The following NPAS3 variants were observed in gnomAD, a reference collection of about 807,000 sequenced individuals.
NPAS3 encodes neuronal PAS domain protein 3.
In NPAS3, 14 loss-of-function variants were observed where a neutral mutation model predicts 73.1. The ratio of observed to expected loss-of-function variants is 0.19; its 90% CI spans 0.13 to 0.30. NPAS3 has a LOEUF of 0.30. NPAS3 is among the 10% of genes least tolerant of loss of function. The pLI is 1.00. For missense variants in NPAS3, 1,096 were observed against 1,250.0 expected, an observed-to-expected ratio of 0.88 and a Z score of 1.86; for synonymous variants, 620 against 541.5, an observed-to-expected ratio of 1.14 and a Z score of -2.01.
chr14:33,555,421 G>C (rs1243802037), intron 4 of NPAS3, among the ~76,000 whole-genome samples: 2 of 151,868 alleles, frequency 1.3e-5, no homozygotes, highest in Non-Finnish European at 2.9e-5. Context: ...ATCTTAATTG[G>C]CGCCTGTTGA....
At chr14:33,034,624 A>G (rs2040102598) in intron 1 of NPAS3, among the ~76,000 whole-genome samples, 1 of 152,112 alleles carries the variant, frequency 6.6e-6, no homozygotes, top group East Asian at 1.9e-4. Context: ...ATATTTTAGT[A>G]AAGTAAAATG....
chr14:33,308,201 G>A (rs919860764), intron 3 of NPAS3, among the ~76,000 whole-genome samples: 8 of 152,008 alleles, frequency 5.3e-5, no homozygotes, highest in Non-Finnish European at 1.0e-4. Context: ...GAAAGGTCAG[G>A]GAAATCCTTT....
At chr14:33,524,734 C>G (rs2053717510) in intron 4 of NPAS3, among the ~76,000 whole-genome samples, 1 of 152,120 alleles carries the variant, frequency 6.6e-6, no homozygotes, top group African/African-American at 2.4e-5. Context: ...TTGGTTCCTT[C>G]TGAGGGATGT....
At chr14:33,528,227 T>C (rs2053888331) in intron 4 of NPAS3, among the ~76,000 whole-genome samples, 1 of 151,952 alleles carries the variant, frequency 6.6e-6, no homozygotes, top group South Asian at 2.1e-4. Flanking sequence ...CCCACCCCAC[T>C]GATATTTCAG....
At chr14:33,306,749 G>C (rs2042769367) in intron 3 of NPAS3, among the ~76,000 whole-genome samples, 2 of 152,128 alleles carry the variant, frequency 1.3e-5, no homozygotes, top group African/African-American at 2.4e-5. Context: ...ACATCTATTA[G>C]AGTTTATTAA....
intron 3 of NPAS3, among the ~76,000 whole-genome samples, chr14:33,262,216 A>G (rs1046904831): frequency 6.6e-6 from 1 of 152,206 alleles, no homozygotes; most frequent in African/African-American, 2.4e-5. Context: ...AGATCTGGTA[A>G]TTAGAAACTC....
At chr14:33,157,948 C>G (rs568311311) in intron 2 of NPAS3, among the ~76,000 whole-genome samples, 54 of 152,240 alleles carry the variant, frequency 3.5e-4, no homozygotes, top group African/African-American at 1.2e-3. Context: ...GTGTCTGGAA[C>G]TGGGAGTTAG....
At chr14:33,718,295 CTTCTCTAGT>C (rs1391188489) in intron 6 of NPAS3, among the ~76,000 whole-genome samples, 4 of 152,034 alleles carry the variant, frequency 2.6e-5, no homozygotes, top group Non-Finnish European at 4.4e-5. Flanking sequence ...TCTTGTCCGT[CTTCTCTAGT>C]TTCTTTCTTG....
chr14:33,134,409 A>C (rs1268086091), intron 2 of NPAS3, among the ~76,000 whole-genome samples: 2 of 152,164 alleles, frequency 1.3e-5, no homozygotes, highest in African/African-American at 2.4e-5. Context: ...ATCCTTAAAC[A>C]CTCAATTTTA....
intron 10 of NPAS3, among the ~76,000 whole-genome samples, chr14:33,796,710 A>G (rs797019900): frequency 1.3e-5 from 2 of 152,206 alleles, no homozygotes; most frequent in South Asian, 2.1e-4. Context: ...AACTGACTCA[A>G]CATGCTCTCT....
At chr14:33,395,721 G>T (rs1276027644) in intron 4 of NPAS3, among the ~76,000 whole-genome samples, 2 of 152,054 alleles carry the variant, frequency 1.3e-5, no homozygotes, top group African/African-American at 2.4e-5. Flanking sequence ...AGGTCCCCTG[G>T]GGTGGCCTAA....
At chr14:33,709,230 C>T (rs754648368) in intron 6 of NPAS3, among the ~76,000 whole-genome samples, 1 of 152,152 alleles carries the variant, frequency 6.6e-6, no homozygotes, top group Non-Finnish European at 1.5e-5. Flanking sequence ...ACCCTGCGCG[C>T]GTAAGTCAGT....
At chr14:32,978,596 G>A (rs1214607650) in intron 1 of NPAS3, among the ~76,000 whole-genome samples, 1 of 151,982 alleles carries the variant, frequency 6.6e-6, no homozygotes, top group Non-Finnish European at 1.5e-5. Context: ...GAGGAAACTG[G>A]GTCTCTGTCA....
At chr14:33,213,081 T>C (rs2047096388) in intron 2 of NPAS3, among the ~76,000 whole-genome samples, 1 of 152,210 alleles carries the variant, frequency 6.6e-6, no homozygotes, top group Admixed American at 6.5e-5. Flanking sequence ...TAAAGTGGCA[T>C]TGGCTCAAAC....
intron 2 of NPAS3, among the ~76,000 whole-genome samples, chr14:33,144,684 A>G (rs1219458859): frequency 6.6e-6 from 1 of 152,208 alleles, no homozygotes; most frequent in Non-Finnish European, 1.5e-5. Context: ...TAGGACTACA[A>G]ATGTGCACCA....
At chr14:33,718,812 G>T (rs1299213910) in intron 6 of NPAS3, among the ~76,000 whole-genome samples, 2 of 152,128 alleles carry the variant, frequency 1.3e-5, no homozygotes, top group African/African-American at 4.8e-5. Context: ...TTGTTGAGGA[G>T]ATGCATAACT....
chr14:33,254,894 G>A (rs2048719537), intron 3 of NPAS3, among the ~76,000 whole-genome samples: 1 of 151,950 alleles, frequency 6.6e-6, no homozygotes, highest in Non-Finnish European at 1.5e-5. Flanking sequence ...AAAATCTATG[G>A]AAATATATAT....
intron 1 of NPAS3, among the ~76,000 whole-genome samples, chr14:32,940,725 A>G (rs2139045886): frequency 6.6e-6 from 1 of 152,368 alleles, no homozygotes; most frequent in East Asian, 1.9e-4. Context: ...TATTTAACCT[A>G]TAGCTTACAT....
chr14:33,235,982 G>A (rs1015654573), intron 3 of NPAS3, among the ~76,000 whole-genome samples: 4 of 151,446 alleles, frequency 2.6e-5, no homozygotes, highest in African/African-American at 9.7e-5. Context: ...TGTAGACACG[G>A]GGTCTCACAA....
Sources: gnomAD v4.1 joint callset for allele counts (sites outside exome capture counted in the v4.1 genomes callset) on GRCh38, gnomAD v4.1.1 for gene constraint, MANE v1.5 for transcripts, NCBI Gene and HGNC (gene_info 2026-07-23, HGNC 2026-07-21) for gene names.